The following C3orf33 variants were observed in gnomAD, a reference collection of about 807,000 sequenced individuals.
C3orf33 encodes AP-1 activity suppressor.
In C3orf33, 23 loss-of-function variants were observed where a neutral mutation model predicts 28.7. The observed-to-expected ratio is 0.80, with a 90% CI of 0.58 to 1.13. C3orf33 has a LOEUF of 1.13. C3orf33 is among the 50% of genes most tolerant of loss of function. The pLI is 0.00. For synonymous variants in C3orf33, 119 were observed against 120.5 expected, an observed-to-expected ratio of 0.99 and a Z score of 0.08; for missense variants, 327 against 353.4, an observed-to-expected ratio of 0.93 and a Z score of 0.60.
At chr3:155,767,118 C>T (rs561674746) in intron 4 of C3orf33, among the ~76,000 whole-genome samples, 3 of 150,944 alleles carry the variant, frequency 2.0e-5, no homozygotes, top group East Asian at 2.0e-4. Context: ...CTGGGTGTGG[C>T]GGCGCCCATG....
intron 2 of C3orf33, among the ~76,000 whole-genome samples, chr3:155,801,566 T>C (rs2109283258): frequency 6.6e-6 from 1 of 152,064 alleles, no homozygotes; most frequent in South Asian, 2.1e-4. Flanking sequence ...TTATGATATA[T>C]GCAACAACAT....
chr3:155,786,594 A>T (rs111287095), intron 2 of C3orf33, among the ~76,000 whole-genome samples: 2,755 of 152,276 alleles, frequency 0.018, 67 homozygotes, highest in African/African-American at 0.063. Flanking sequence ...TGGGAGGCCA[A>T]GGCAGGCGGA....
At chr3:155,802,695 A>C in intron 1 of C3orf33, 104 bp from the exon 2 acceptor site, 1 of 808,390 alleles carries the variant, frequency 1.2e-6, no homozygotes, top group East Asian at 2.7e-5. Flanking sequence ...CTCTATATCT[A>C]ATGTGTATAA....
chr3:155,777,588 C>T (rs1031008100), intron 2 of C3orf33, among the ~76,000 whole-genome samples: 4 of 151,934 alleles, frequency 2.6e-5, no homozygotes, highest in Admixed American at 1.3e-4. Flanking sequence ...AGGTGTGCAC[C>T]ACTACACCTG....
At chr3:155,777,983 C>A (rs149017073) in intron 2 of C3orf33, among the ~76,000 whole-genome samples, 1 of 151,888 alleles carries the variant, frequency 6.6e-6, no homozygotes, top group African/African-American at 2.4e-5. Context: ...AACTCCATTT[C>A]TACTAAAAAT....
chr3:155,769,769 C>T (rs530226917), intron 3 of C3orf33, among the ~76,000 whole-genome samples: 4 of 152,226 alleles, frequency 2.6e-5, no homozygotes, highest in African/African-American at 9.6e-5. Flanking sequence ...GGGCAGGTGC[C>T]CGGTGAAACC....
intron 2 of C3orf33, among the ~76,000 whole-genome samples, chr3:155,800,143 T>C (rs1751597265): frequency 6.6e-6 from 1 of 152,174 alleles, no homozygotes; most frequent in East Asian, 1.9e-4. Context: ...GATGTGATTA[T>C]TATGGACTGT....
intron 2 of C3orf33, among the ~76,000 whole-genome samples, chr3:155,795,591 A>G (rs1389542117): frequency 6.6e-6 from 1 of 152,232 alleles, no homozygotes; most frequent in Non-Finnish European, 1.5e-5. Flanking sequence ...TGGAAATTAA[A>G]CAATGTGCTC....
Position 155,806,232 on chromosome 3 carries a change from G to A in C3orf33, c.21C>T (p.Ala7=), listed in dbSNP as rs1751808875. 1 of 1,474,426 alleles carries A rather than the reference G, an allele frequency of 6.8e-7. No individual in the cohort carries two copies. The highest frequency in any genetic ancestry group is 9.0e-7 in the Non-Finnish European group (1 of 1,111,870). The allele number at this position is 1,474,426 out of a possible 1,614,324, so 91.3% of individuals were successfully genotyped here. A position where few individuals can be genotyped will look rare whatever the true frequency, so the allele number is the denominator to read the frequency against. MAGQPA[A]TGSPSADKDG... ...CCTTGTCGGCAGACGGCGAGCCGGTGGCCGCGGGCTGCCCCGCCATGTTCC... is the reference window on the plus strand; with the variant it reads ...CCTTGTCGGCAGACGGCGAGCCGGTAGCCGCGGGCTGCCCCGCCATGTTCC... Residue 7 remains alanine (A), a synonymous_variant, in exon 1 of 5, where the codon GCC becomes GCT. Coordinates refer to ENST00000340171, the MANE Select transcript of C3orf33 (RefSeq NM_001308229.2).
intron 2 of C3orf33, among the ~76,000 whole-genome samples, chr3:155,788,279 C>T (rs556218252): frequency 6.6e-6 from 1 of 152,060 alleles, no homozygotes; most frequent in South Asian, 2.1e-4. Context: ...ACATGGTTAC[C>T]TCAACTGATA....
intron 4 of C3orf33, 56 bp from the exon 5 acceptor site, chr3:155,763,974 TCA>T (rs1750319364): frequency 8.3e-7 from 1 of 1,198,698 alleles, no homozygotes; most frequent in African/African-American, 1.6e-5. Context: ...GTTATACCCA[TCA>T]CATCTTATTT....
chr3:155,790,927 C>T (rs1451708772), intron 2 of C3orf33, among the ~76,000 whole-genome samples: 2 of 152,112 alleles, frequency 1.3e-5, no homozygotes, highest in Non-Finnish European at 2.9e-5. Context: ...ATCCTGGTGC[C>T]GTGTTGGCTC....
intron 2 of C3orf33, among the ~76,000 whole-genome samples, chr3:155,781,768 C>CAA (rs36059033): frequency 7.3e-4 from 47 of 64,490 alleles, no homozygotes; most frequent in African/African-American, 1.8e-3. Context: ...GACTCTATCT[C>CAA]AAAAAAAAAA....
intron 2 of C3orf33, among the ~76,000 whole-genome samples, chr3:155,793,313 G>T (rs1299358450): frequency 6.6e-6 from 1 of 151,148 alleles, no homozygotes. Flanking sequence ...AAAAGCTGAG[G>T]GACTTCCTCA....
At chr3:155,772,633 C>G (rs1470843094) in intron 3 of C3orf33, among the ~76,000 whole-genome samples, 2 of 151,142 alleles carry the variant, frequency 1.3e-5, no homozygotes, top group South Asian at 2.1e-4. Context: ...CCTCACTAGA[C>G]TGCAGGTTTT....
intron 3 of C3orf33, among the ~76,000 whole-genome samples, chr3:155,772,604 G>A (rs552680648): frequency 5.5e-4 from 83 of 151,064 alleles, no homozygotes; most frequent in Non-Finnish European, 9.9e-4. Flanking sequence ...CATCAGGGAT[G>A]AGAAGCTTTG....
At chr3:155,780,367 C>T (rs1750882103) in intron 2 of C3orf33, among the ~76,000 whole-genome samples, 2 of 152,194 alleles carry the variant, frequency 1.3e-5, no homozygotes, top group Non-Finnish European at 2.9e-5. Context: ...CCAGCTCTGC[C>T]ATTTACTAGC....
chr3:155,800,600 A>ACC (rs1751614766), intron 2 of C3orf33, among the ~76,000 whole-genome samples: 1 of 114,288 alleles, frequency 8.7e-6, no homozygotes, highest in South Asian at 3.1e-4. Context: ...ACAGAGTGAG[A>ACC]CCTTATCTCC....
chr3:155,775,684 T>C lies in C3orf33; in HGVS notation c.322+17A>G, dbSNP rs754537766. 1.8e-5 allele frequency: 26 copies of C among 1,482,664 alleles called. No homozygotes were observed. The East Asian group carries it at 5.1e-4, about 29-fold the overall frequency. 91.8% of individuals were successfully genotyped at this position (1,482,664 alleles called of 1,614,324 possible). ...AGACCACAATAGTTAGTTTCATTAATCTTGTACCTTACTTACTTCTCAATG... is the reference window on the plus strand; with the variant it reads ...AGACCACAATAGTTAGTTTCATTAACCTTGTACCTTACTTACTTCTCAATG... On this transcript the variant is annotated intron_variant, in intron 3 of 4. Coordinates refer to ENST00000340171, the MANE Select transcript of C3orf33 (RefSeq NM_001308229.2).
Sources: allele counts gnomAD v4.1 joint callset (sites outside exome capture counted in the v4.1 genomes callset), GRCh38; gene constraint gnomAD v4.1.1; transcripts MANE v1.5; gene names NCBI Gene and HGNC (gene_info 2026-07-23, HGNC 2026-07-21).